The following FAM221B variants were observed in gnomAD, a reference collection of about 807,000 sequenced individuals.
FAM221B encodes family with sequence similarity 221 member B.
A neutral mutation model predicts 39.8 loss-of-function variants in FAM221B; 35 were observed. The ratio of observed to expected loss-of-function variants is 0.88; its 90% CI spans 0.67 to 1.17. The LOEUF (loss-of-function observed/expected upper bound fraction) is 1.17. FAM221B is among the 50% of genes most tolerant of loss of function. FAM221B has a pLI of 0.00. For synonymous variants in FAM221B, 158 were observed against 178.1 expected (o/e 0.89, Z 0.90); for missense variants, 479 against 503.1 (o/e 0.95, Z 0.46).
Position 35,825,361 on chromosome 9 carries a change from C to T in FAM221B, c.611G>A (p.Arg204His), listed in dbSNP as rs781726259. The T allele has an allele frequency of 4.6e-5, 74 of 1,613,972 alleles. No homozygotes were observed. The highest frequency in any genetic ancestry group is 1.8e-4 in the South Asian group (16 of 91,088). The change falls in exon 3 of 7, where the codon CGC becomes CAC. Residue 204 changes from arginine to histidine, a missense_variant. Coordinates refer to ENST00000423537, the MANE Select transcript of FAM221B (RefSeq NM_001012446.4). This position sits in a 1 kb window ranked among gnomAD's most constrained non-coding sequence, Gnocchi z 4.2. ...TGTCTGCCTAGCAGGGAACACTGGG[C>T]GGGCTGTGTTACCTAGGATGGGAGA... ...QPGHQLGNTA[R>H]PVFPARQTEL... is the part of the protein sequence containing the mutation.
In FAM221B at chr9:35,825,548, T is replaced by C; in HGVS notation, c.598+16A>G. ...GGTACAATTACAGCTAACTCCTTTC[T>C]TCTTCTTCTTCTTGCCTAGTTGGTG... On this transcript the variant is annotated intron_variant, in intron 2 of 6. Coordinates refer to ENST00000423537, the MANE Select transcript of FAM221B (RefSeq NM_001012446.4). The surrounding 1 kb of genome is among the most constrained non-coding windows in gnomAD (Gnocchi z 4.2). The C allele has an allele frequency of 6.3e-7, 1 of 1,591,212 alleles. No individual in the cohort carries two copies. Among genetic ancestry groups the C allele is most frequent in the Non-Finnish European group, 8.6e-7 (1 of 1,167,246 alleles).
rs1229100073 is a variant in FAM221B at position 35,828,437 on chromosome 9, C to A, written c.-1+26G>T. ...GACAGATGTCTTTGAGGGAAGAGGGCAAGGGCCGTTGGAGAAACCACCTAC... is the reference window on the plus strand; with the variant it reads ...GACAGATGTCTTTGAGGGAAGAGGGAAAGGGCCGTTGGAGAAACCACCTAC... On this transcript the variant is annotated intron_variant, in intron 1 of 6. Coordinates refer to ENST00000423537, the MANE Select transcript of FAM221B (RefSeq NM_001012446.4). This position sits in a 1 kb window ranked among gnomAD's most constrained non-coding sequence, Gnocchi z 4.5. 1 of 969,714 alleles carries A rather than the reference C, an allele frequency of 1.0e-6. No individual in the cohort carries two copies. Among genetic ancestry groups the A allele is most frequent in the East Asian group, 1.1e-4 (1 of 8,730 alleles). 60.1% of individuals were successfully genotyped at this position (969,714 alleles called of 1,614,324 possible). A position where few individuals can be genotyped will look rare whatever the true frequency, so the allele number is the denominator to read the frequency against.
chr9:35,825,797 T>C lies in FAM221B; in HGVS notation c.365A>G (p.Asp122Gly), dbSNP rs779368753. Residue 122 changes from aspartate (D) to glycine (G), a missense_variant, in exon 2 of 7, where the codon GAT becomes GGT. Physicochemically the swap from Asp to Gly is moderately conservative, Grantham distance 94. Transcript: ENST00000423537. This position sits in a 1 kb window ranked among gnomAD's most constrained non-coding sequence, Gnocchi z 4.2. ...SRDYVCLSSS[D>G]TLKEDLSSES... is the part of the protein sequence containing the mutation. ...AGAGGAGAGGTCTTCCTTCAGAGTA[T>C]CAGAAGAAGACAGACAGACATAGTC... The C allele has an allele frequency of 2.5e-6, 4 of 1,614,020 alleles. No individual in the cohort carries two copies. In the South Asian group the frequency reaches 4.4e-5, roughly 18 times the overall value.
intron 3 of FAM221B, among the ~76,000 whole-genome samples, chr9:35,821,811 G>T (rs1345080910): frequency 6.6e-6 from 1 of 152,206 alleles, no homozygotes; most frequent in Non-Finnish European, 1.5e-5. Flanking sequence ...TGTTACAAGT[G>T]TTAGTGCTCT....
rs901538690 is a variant in FAM221B at position 35,818,213 on chromosome 9, A to G, written c.*256T>C. Reference sequence around the variant, plus strand: ...TTTATCTTATTGGTGCCCCAACTGCATCTAACATCACTTCCCACTCTATCC... The same window carrying G: ...TTTATCTTATTGGTGCCCCAACTGCGTCTAACATCACTTCCCACTCTATCC... On this transcript the variant is annotated 3_prime_UTR_variant, in exon 7 of 7. Coordinates refer to ENST00000423537, the MANE Select transcript of FAM221B (RefSeq NM_001012446.4). The G allele has an allele frequency of 9.4e-6, 5 of 531,778 alleles. No individual in the cohort carries two copies. Among genetic ancestry groups the G allele is most frequent in the Non-Finnish European group, 1.7e-5 (5 of 294,392 alleles). The allele number at this position is 531,778 out of a possible 1,614,324, so 32.9% of individuals were successfully genotyped here.
chr9:35,828,717 A>AG lies in FAM221B; in HGVS notation c.-256dup. The AG allele has an allele frequency of 1.0e-6, 1 of 985,438 alleles. No homozygotes were observed. Among genetic ancestry groups the AG allele is most frequent in the South Asian group, 4.7e-5 (1 of 21,290 alleles). The allele number at this position is 985,438 out of a possible 1,614,324, so 61.0% of individuals were successfully genotyped here. On this transcript the variant is annotated 5_prime_UTR_variant, in exon 1 of 7. Coordinates refer to ENST00000423537, the MANE Select transcript of FAM221B (RefSeq NM_001012446.4). This position sits in a 1 kb window ranked among gnomAD's most constrained non-coding sequence, Gnocchi z 4.5. ...AGGGACAAGGGGTCTAGGGCCAATG[A>AG]GGGAGGGTCTTGACTGAAGCCTCCG...
At chr9:35,821,813 T>A (rs1829157962) in intron 3 of FAM221B, among the ~76,000 whole-genome samples, 1 of 152,190 alleles carries the variant, frequency 6.6e-6, no homozygotes, top group Non-Finnish European at 1.5e-5. Context: ...TTACAAGTGT[T>A]AGTGCTCTTA....
rs1246976965 is a variant in FAM221B, at chr9:35,819,833, A to C, written c.853+57T>G. ...TGCTCTCTCTCATACTTCCCAAGAC[A>C]TGACAGAGTACAGTTATTCCTCCAC... On this transcript the variant is annotated intron_variant, in intron 4 of 6. Transcript: ENST00000423537. 9.8e-6 allele frequency: 13 copies of C among 1,325,664 alleles called. No homozygotes were observed. The Admixed American group carries it at 1.9e-4, about 20-fold the overall frequency. The allele number at this position is 1,325,664 out of a possible 1,614,324, so 82.1% of individuals were successfully genotyped here. A position where few individuals can be genotyped will look rare whatever the true frequency, so the allele number is the denominator to read the frequency against.
chr9:35,818,424 G>A lies in FAM221B; in HGVS notation c.*45C>T. ...ATCTACCTGCCCCATATAGAGCCAA[G>A]TCAGGTTCCAATGACTCCTCTTTTA... On this transcript the variant is annotated 3_prime_UTR_variant, in exon 7 of 7. Coordinates refer to ENST00000423537, the MANE Select transcript of FAM221B (RefSeq NM_001012446.4). 6.5e-7 allele frequency: 1 copy of A among 1,544,314 alleles called. No individual in the cohort carries two copies. Among genetic ancestry groups the A allele is most frequent in the Non-Finnish European group, 8.8e-7 (1 of 1,140,300 alleles).
chr9:35,826,124 G>C lies in FAM221B; in HGVS notation c.38C>G (p.Thr13Ser). Residue 13 changes from threonine (T) to serine (S), a missense_variant, in exon 2 of 7, where the codon ACC (threonine) becomes AGC (serine). Physicochemically the swap from Thr to Ser is moderately conservative, Grantham distance 58 (BLOSUM62 1). Transcript: ENST00000423537. The stretch of plus-strand genomic sequence containing the variant: ...AGGGGGGTGCTTCTCTGCATCCATG[G>C]TGATATGAGGCTCTTCTATGATCTC... ...AHEIIEEPHI[T>S]MDAEKHPPSK... 1 of 1,606,352 alleles carries C rather than the reference G, an allele frequency of 6.2e-7. No individual in the cohort carries two copies. The highest frequency in any genetic ancestry group is 8.5e-7 in the Non-Finnish European group (1 of 1,176,670).
chr9:35,828,374 T>C lies in FAM221B; in HGVS notation c.-1+89A>G, dbSNP rs976296944. The C allele has an allele frequency of 4.3e-6, 1 of 233,566 alleles. No homozygotes were observed. Among genetic ancestry groups the C allele is most frequent in the South Asian group, 1.6e-4 (1 of 6,292 alleles). The allele number at this position is 233,566 out of a possible 1,614,324, so 14.5% of individuals were successfully genotyped here. A position where few individuals can be genotyped will look rare whatever the true frequency, so the allele number is the denominator to read the frequency against. On this transcript the variant is annotated intron_variant, in intron 1 of 6. Transcript: ENST00000423537. The surrounding 1 kb of genome is among the most constrained non-coding windows in gnomAD (Gnocchi z 4.5). ...CTACTACTACTACTACTACTACTAC[T>C]ACTACAACAATGTGAAGGGACTGAG...
Position 35,816,399 on chromosome 9 carries a change from T to C in FAM221B, c.*2070A>G, listed in dbSNP as rs969593203. ...TTCTTTGGTTTTTCTTTTTTTCTTTTTTTTTTTTTTAAACACATGACCTGA... is the reference window on the plus strand; with the variant it reads ...TTCTTTGGTTTTTCTTTTTTTCTTTCTTTTTTTTTTAAACACATGACCTGA... On this transcript the variant is annotated 3_prime_UTR_variant, in exon 7 of 7. Transcript: ENST00000423537. The C allele has an allele frequency of 2.0e-5, 3 of 151,804 alleles. No individual in the cohort carries two copies. Among genetic ancestry groups the C allele is most frequent in the East Asian group, 1.9e-4 (1 of 5,186 alleles). 9.4% of individuals were successfully genotyped at this position (151,804 alleles called of 1,614,324 possible). A position where few individuals can be genotyped will look rare whatever the true frequency, so the allele number is the denominator to read the frequency against.
rs1309111244 is a variant in FAM221B at position 35,828,329 on chromosome 9, AACAACTACT to A, written c.-1+125_-1+133del. 25 of 139,250 alleles carry A rather than the reference AACAACTACT, an allele frequency of 1.8e-4. No homozygotes were observed. The highest frequency in any genetic ancestry group is 4.7e-4 in the African/African-American group (15 of 32,050). 8.6% of individuals were successfully genotyped at this position (139,250 alleles called of 1,614,324 possible). ...CAACAACAACAACAACAACAACAACAACAACTACTACTACTACTACTACTACTACTACTA... is the reference window on the plus strand; with the variant it reads ...CAACAACAACAACAACAACAACAACAACTACTACTACTACTACTACTACTA... On this transcript the variant is annotated intron_variant, in intron 1 of 6. Coordinates refer to ENST00000423537, the MANE Select transcript of FAM221B (RefSeq NM_001012446.4). The surrounding 1 kb of genome is among the most constrained non-coding windows in gnomAD (Gnocchi z 4.5).
At chr9:35,821,086 C>T (rs957097528) in intron 3 of FAM221B, among the ~76,000 whole-genome samples, 5 of 152,216 alleles carry the variant, frequency 3.3e-5, no homozygotes, top group Admixed American at 2.6e-4. Context: ...TCTGTCTGGG[C>T]CCCTCCTATT....
At position 35,821,388 on chromosome 9, in the gene FAM221B, A is replaced by C. The variant is rs373320837; in HGVS notation, c.743-1388T>G. On this transcript the variant is annotated intron_variant, in intron 3 of 6. Coordinates refer to ENST00000423537, the MANE Select transcript of FAM221B (RefSeq NM_001012446.4). ...CATCATCTGGTCTTTGACTGTGGTC[A>C]GGGCCACAATTCACAATTCCGTGCC... 4 of 1,313,106 alleles carry C rather than the reference A, an allele frequency of 3.0e-6. No individual in the cohort carries two copies. The African/African-American group carries it at 6.0e-5, about 20-fold the overall frequency. The allele number at this position is 1,313,106 out of a possible 1,614,324, so 81.3% of individuals were successfully genotyped here. A position where few individuals can be genotyped will look rare whatever the true frequency, so the allele number is the denominator to read the frequency against.
Position 35,828,533 on chromosome 9 carries a change from G to A in FAM221B, c.-71C>T. 1.0e-6 allele frequency: 1 copy of A among 985,526 alleles called. No homozygotes were observed. Among genetic ancestry groups the A allele is most frequent in the African/African-American group, 1.7e-5 (1 of 57,344 alleles). 61.0% of individuals were successfully genotyped at this position (985,526 alleles called of 1,614,324 possible). A position where few individuals can be genotyped will look rare whatever the true frequency, so the allele number is the denominator to read the frequency against. ...TTGACTTAGGATGGCAGGGGGAGGT[G>A]TTGATCCTCAGGGAGGAAAGGCTCT... On this transcript the variant is annotated 5_prime_UTR_variant, in exon 1 of 7. Coordinates refer to ENST00000423537, the MANE Select transcript of FAM221B (RefSeq NM_001012446.4). This position sits in a 1 kb window ranked among gnomAD's most constrained non-coding sequence, Gnocchi z 4.5.
intron 4 of FAM221B, 109 bp downstream of exon 4, chr9:35,819,781 A>T (rs1369486436): frequency 1.4e-6 from 1 of 736,864 alleles, no homozygotes; most frequent in Non-Finnish European, 2.3e-6. Flanking sequence ...CTGGGATTAC[A>T]GGGGTGAGCC....
rs753737292 is a variant in FAM221B, at chr9:35,825,268, T to C, written c.704A>G (p.Gln235Arg). 1.2e-6 allele frequency: 2 copies of C among 1,614,240 alleles called. No individual in the cohort carries two copies. Among genetic ancestry groups the C allele is most frequent in the East Asian group, 2.2e-5 (1 of 44,888 alleles). The part of the protein sequence containing the change: ...EFGAQVNNLF[Q>R]WEKDAALNAI... ...ATTCAGGGCTGCATCCTTCTCCCAC[T>C]GGAAAAGATTGTTCACTTGAGCACC... The change falls in exon 3 of 7, where the codon CAG (glutamine) becomes CGG (arginine). Residue 235 changes from glutamine to arginine, a missense_variant. Coordinates refer to ENST00000423537, the MANE Select transcript of FAM221B (RefSeq NM_001012446.4). The surrounding 1 kb of genome is among the most constrained non-coding windows in gnomAD (Gnocchi z 4.2).
At chr9:35,819,485 C>A in intron 4 of FAM221B, 91 bp from the exon 5 acceptor site, 1 of 1,170,868 alleles carries the variant, frequency 8.5e-7, no homozygotes, top group Non-Finnish European at 1.2e-6. Context: ...ACCCCCTATG[C>A]ACGCAGACAT....
Sources: allele counts gnomAD v4.1 joint callset (sites outside exome capture counted in the v4.1 genomes callset), GRCh38; gene constraint gnomAD v4.1.1; non-coding constraint Gnocchi (gnomAD v3.1); transcripts MANE v1.5; gene names NCBI Gene and HGNC (gene_info 2026-07-23, HGNC 2026-07-21).